The following LRRTM4 variants were observed in gnomAD, a reference collection of about 807,000 sequenced individuals.
LRRTM4 encodes leucine-rich repeat transmembrane neuronal protein 4.
Under a neutral mutation model 47.6 loss-of-function variants are expected in LRRTM4, and 25 were observed. The observed-to-expected ratio is 0.53, with a 90% CI of 0.38 to 0.73. The LOEUF (loss-of-function observed/expected upper bound fraction) is 0.73. LRRTM4 is among the 30% of genes least tolerant of loss of function. The pLI is 0.00. For synonymous variants in LRRTM4, 311 were observed against 269.5 expected (o/e 1.15, Z -1.51); for missense variants, 638 against 713.4 (o/e 0.89, Z 1.20).
At chr2:76,958,731 A>T (rs569311852) in intron 3 of LRRTM4, among the ~76,000 whole-genome samples, 1 of 151,876 alleles carries the variant, frequency 6.6e-6, no homozygotes, top group East Asian at 2.0e-4. Context: ...GTATCCTACT[A>T]AACTGATACA....
At chr2:77,017,076 C>A (rs1485995867) in intron 3 of LRRTM4, among the ~76,000 whole-genome samples, 5 of 152,112 alleles carry the variant, frequency 3.3e-5, no homozygotes, top group African/African-American at 1.2e-4. Context: ...AGAAGCAACA[C>A]CTGGTTGCAG....
At position 77,519,999 on chromosome 2, in the gene LRRTM4, C is replaced by T. The variant is rs529650284; in HGVS notation, c.5-135G>A. 1.5e-5 allele frequency: 21 copies of T among 1,377,952 alleles called. No homozygotes were observed. The highest frequency in any genetic ancestry group is 5.8e-5 in the Admixed American group (2 of 34,442). The allele number at this position is 1,377,952 out of a possible 1,614,324, so 85.4% of individuals were successfully genotyped here. On this transcript the variant is annotated intron_variant, in intron 2 of 3. Coordinates refer to ENST00000409884, the MANE Select transcript of LRRTM4 (RefSeq NM_001134745.3). The surrounding 1 kb of genome is among the most constrained non-coding windows in gnomAD (Gnocchi z 4.6). ...ATTTAAGGAAAATGCATTAACATTTCGAGCATTATTTTCTTCAGTGTTGCA... is the reference window on the plus strand; with the variant it reads ...ATTTAAGGAAAATGCATTAACATTTTGAGCATTATTTTCTTCAGTGTTGCA...
At chr2:77,407,736 A>C (rs1350597732) in intron 3 of LRRTM4, among the ~76,000 whole-genome samples, 1 of 141,728 alleles carries the variant, frequency 7.1e-6, no homozygotes, top group Non-Finnish European at 1.5e-5. Flanking sequence ...TATATTATAT[A>C]TTATATTCTA....
At chr2:77,070,652 CAG>C (rs1265495570) in intron 3 of LRRTM4, among the ~76,000 whole-genome samples, 3 of 151,952 alleles carry the variant, frequency 2.0e-5, no homozygotes, top group African/African-American at 7.3e-5. Context: ...TGTTTTGAGA[CAG>C]AGTTTTGCTC....
chr2:77,400,791 C>A (rs1262842474), intron 3 of LRRTM4, among the ~76,000 whole-genome samples: 1 of 151,778 alleles, frequency 6.6e-6, no homozygotes, highest in Non-Finnish European at 1.5e-5. Flanking sequence ...GCCTCTGGGA[C>A]TTTTTATCTT....
Position 77,518,113 on chromosome 2 carries a change from T to C in LRRTM4, c.1551+205A>G, listed in dbSNP as rs894134165. ...CAACTTATCCTTGAATGAACTTCCT[T>C]CAAGTTTCAACCATTTAAAAAAAAA... On this transcript the variant is annotated intron_variant, in intron 3 of 3. Coordinates refer to ENST00000409884, the MANE Select transcript of LRRTM4 (RefSeq NM_001134745.3). 6 of 1,279,322 alleles carry C rather than the reference T, an allele frequency of 4.7e-6. No homozygotes were observed. The African/African-American group carries it at 7.7e-5, about 16-fold the overall frequency. The allele number at this position is 1,279,322 out of a possible 1,614,324, so 79.2% of individuals were successfully genotyped here. A position where few individuals can be genotyped will look rare whatever the true frequency, so the allele number is the denominator to read the frequency against.
chr2:76,925,265 T>C (rs1425506252), intron 3 of LRRTM4, among the ~76,000 whole-genome samples: 1 of 152,118 alleles, frequency 6.6e-6, no homozygotes, highest in Non-Finnish European at 1.5e-5. Context: ...TGCTGTATTG[T>C]GAACTGCCCA....
At chr2:77,185,644 C>T (rs1673481590) in intron 3 of LRRTM4, among the ~76,000 whole-genome samples, 2 of 152,098 alleles carry the variant, frequency 1.3e-5, no homozygotes, top group African/African-American at 4.8e-5. Context: ...AAACAAGAAT[C>T]AAACTTTAAA....
At chr2:77,348,497 CACAT>C (rs1347658071) in intron 3 of LRRTM4, among the ~76,000 whole-genome samples, 6 of 149,902 alleles carry the variant, frequency 4.0e-5, no homozygotes, top group African/African-American at 9.7e-5. Context: ...TATATATACA[CACAT>C]ACAATGTTAT....
chr2:76,776,134 C>T (rs1054867200), intron 3 of LRRTM4, among the ~76,000 whole-genome samples: 30 of 152,300 alleles, frequency 2.0e-4, no homozygotes, highest in African/African-American at 3.4e-4. Context: ...ATATGTCCCA[C>T]ATTTTCTTAA....
At chr2:77,176,633 A>T (rs1443477908) in intron 3 of LRRTM4, among the ~76,000 whole-genome samples, 1 of 152,234 alleles carries the variant, frequency 6.6e-6, no homozygotes, top group African/African-American at 2.4e-5. Flanking sequence ...CATTTAGATC[A>T]TTTTGCAGTT....
intron 3 of LRRTM4, among the ~76,000 whole-genome samples, chr2:77,367,106 C>G (rs1672488789): frequency 6.6e-6 from 1 of 151,738 alleles, no homozygotes; most frequent in Non-Finnish European, 1.5e-5. Flanking sequence ...ACCATTAGAG[C>G]CTGAATGTAT....
chr2:77,178,182 G>T (rs915496424), intron 3 of LRRTM4, among the ~76,000 whole-genome samples: 1 of 152,082 alleles, frequency 6.6e-6, no homozygotes, highest in Non-Finnish European at 1.5e-5. Context: ...TGTAGAAATT[G>T]CATGTAGGAA....
chr2:77,347,654 G>T (rs979792256), intron 3 of LRRTM4, among the ~76,000 whole-genome samples: 2 of 151,822 alleles, frequency 1.3e-5, no homozygotes, highest in Non-Finnish European at 2.9e-5. Context: ...AAAAAATAAA[G>T]TTTTAAAAAT....
At chr2:77,048,704 A>G (rs1032111745) in intron 3 of LRRTM4, among the ~76,000 whole-genome samples, 1 of 148,308 alleles carries the variant, frequency 6.7e-6, no homozygotes, top group African/African-American at 2.4e-5. Flanking sequence ...CATGCATACC[A>G]TATGTAATTA....
chr2:77,480,821 T>TA (rs1677658216), intron 3 of LRRTM4, among the ~76,000 whole-genome samples: 1 of 88,342 alleles, frequency 1.1e-5, no homozygotes, highest in South Asian at 4.8e-4. Flanking sequence ...TGTGTGTGTG[T>TA]GGAGAGAGAG....
At chr2:77,322,251 A>T (rs1251987667) in intron 3 of LRRTM4, among the ~76,000 whole-genome samples, 1 of 152,018 alleles carries the variant, frequency 6.6e-6, no homozygotes, top group Non-Finnish European at 1.5e-5. Context: ...GAAGAATATG[A>T]CTTTCTTTAT....
intron 3 of LRRTM4, among the ~76,000 whole-genome samples, chr2:77,036,299 A>G (rs1405463639): frequency 6.6e-6 from 1 of 151,800 alleles, no homozygotes; most frequent in East Asian, 1.9e-4. Flanking sequence ...CTTTATCCAC[A>G]TTTCTACATA....
intron 3 of LRRTM4, among the ~76,000 whole-genome samples, chr2:76,952,206 C>A (rs757941227): frequency 1.3e-5 from 2 of 151,910 alleles, no homozygotes; most frequent in African/African-American, 4.8e-5. Context: ...GATAGTTTGA[C>A]TTATTTTCCT....
Sources: gnomAD v4.1 joint callset for allele counts (sites outside exome capture counted in the v4.1 genomes callset) on GRCh38, gnomAD v4.1.1 for gene constraint, Gnocchi (gnomAD v3.1) non-coding constraint, MANE v1.5 for transcripts, NCBI Gene and HGNC (gene_info 2026-07-23, HGNC 2026-07-21) for gene names.